FUBP1: variants seen among roughly 807,000 people sequenced by gnomAD.
FUBP1 encodes the protein far upstream element binding protein 1, also known as far upstream element-binding protein 1.
Under a neutral mutation model 94.9 loss-of-function variants are expected in FUBP1, and 16 were observed. The ratio of observed to expected loss-of-function variants is 0.17; its 90% CI spans 0.11 to 0.26. FUBP1 has a LOEUF of 0.26. Ranked by LOEUF, FUBP1 falls within the 10% of genes least tolerant of loss-of-function variation. FUBP1 has a pLI of 1.00. For missense variants in FUBP1, 583 were observed against 808.6 expected (o/e 0.72, Z 3.38); for synonymous variants, 279 against 254.9 (o/e 1.09, Z -0.90).
At chr1:77,950,848 C>G (rs1267101507) in intron 18 of FUBP1, among the ~76,000 whole-genome samples, 1 of 152,054 alleles carries the variant, frequency 6.6e-6, no homozygotes, top group Non-Finnish European at 1.5e-5. Flanking sequence ...AAACAGGTCA[C>G]AGACTCAAAG....
chr1:77,978,651 C>CA (rs1287663480), intron 1 of FUBP1, among the ~76,000 whole-genome samples: 2 of 152,236 alleles, frequency 1.3e-5, no homozygotes, highest in Non-Finnish European at 2.9e-5. Flanking sequence ...AGAAAGACTT[C>CA]AGGCCTTCTT....
intron 10 of FUBP1, 81 bp from the exon 11 acceptor site, chr1:77,964,437 T>C (rs1329899230): frequency 1.4e-5 from 12 of 866,348 alleles, no homozygotes; most frequent in Non-Finnish European, 2.1e-5. Context: ...AAAAGCGCCA[T>C]TTCCTGAAAA....
At chr1:77,978,291 T>G (rs570749707) in intron 1 of FUBP1, among the ~76,000 whole-genome samples, 22 of 152,312 alleles carry the variant, frequency 1.4e-4, no homozygotes, top group African/African-American at 5.1e-4. Context: ...TCTGGTATAA[T>G]GGGCCTGAGG....
intron 18 of FUBP1, 59 bp from the exon 19 acceptor site, chr1:77,949,359 CT>C: frequency 1.5e-6 from 2 of 1,363,758 alleles, no homozygotes; most frequent in East Asian, 2.3e-5. Flanking sequence ...CATCTCATTT[CT>C]AATAAAAACA....
chr1:77,948,029 T>C lies in FUBP1; in HGVS notation c.*737A>G. The stretch of plus-strand genomic sequence containing the variant: ...AAACAGTCTTGGAAATCAAGTATTA[T>C]CAAATTAAGAACAGAAAGGTTAACT... On this transcript the variant is annotated 3_prime_UTR_variant, in exon 20 of 20. Transcript: ENST00000370768. 9.7e-7 allele frequency: 1 copy of C among 1,032,562 alleles called. No individual in the cohort carries two copies. The highest frequency in any genetic ancestry group is 4.3e-5 in the South Asian group (1 of 23,170). 64.0% of individuals were successfully genotyped at this position (1,032,562 alleles called of 1,614,324 possible).
At chr1:77,956,074 A>G (rs950487178) in intron 17 of FUBP1, among the ~76,000 whole-genome samples, 12 of 152,352 alleles carry the variant, frequency 7.9e-5, no homozygotes, top group South Asian at 6.2e-4. Flanking sequence ...AAAATACTTT[A>G]AAAATATAAC....
intron 3 of FUBP1, among the ~76,000 whole-genome samples, 192 bp from the exon 4 acceptor site, chr1:77,967,858 A>T (rs1212721825): frequency 6.6e-6 from 1 of 152,168 alleles, no homozygotes; most frequent in African/African-American, 2.4e-5. Flanking sequence ...GAAAGGGAAG[A>T]CATTATATTA....
chr1:77,960,139 G>T, intron 16 of FUBP1, 45 bp downstream of exon 16: 1 of 1,317,862 alleles, frequency 7.6e-7, no homozygotes, highest in Non-Finnish European at 1.1e-6. Context: ...TGTAACAGGA[G>T]TGGAAAATAA....
At chr1:77,977,399 G>T (rs1458853092) in intron 1 of FUBP1, among the ~76,000 whole-genome samples, 1 of 152,140 alleles carries the variant, frequency 6.6e-6, no homozygotes. Flanking sequence ...GGTGGCGGGC[G>T]CCTGTAATCC....
chr1:77,962,183 A>C (rs1655613085), intron 14 of FUBP1, among the ~76,000 whole-genome samples: 1 of 152,254 alleles, frequency 6.6e-6, no homozygotes, highest in African/African-American at 2.4e-5. Flanking sequence ...AAAAATTTCC[A>C]AATTTGTCTG....
intron 18 of FUBP1, among the ~76,000 whole-genome samples, chr1:77,950,180 A>T: frequency 6.6e-6 from 1 of 152,244 alleles, no homozygotes; most frequent in Non-Finnish European, 1.5e-5. Context: ...ATTTATTTTC[A>T]GACAGGGTCT....
chr1:77,955,883 T>G (rs941910869), intron 17 of FUBP1, among the ~76,000 whole-genome samples: 2 of 152,052 alleles, frequency 1.3e-5, no homozygotes, highest in African/African-American at 4.8e-5. Flanking sequence ...GAATAAGAGC[T>G]CCTTGAAGAA....
In FUBP1 at chr1:77,944,376, G is replaced by T; in HGVS notation, c.*4390C>A. 1 of 201,782 alleles carries T rather than the reference G, an allele frequency of 5.0e-6. No homozygotes were observed. The highest frequency in any genetic ancestry group is 7.6e-5 in the East Asian group (1 of 13,180). The allele number at this position is 201,782 out of a possible 1,614,324, so 12.5% of individuals were successfully genotyped here. A position where few individuals can be genotyped will look rare whatever the true frequency, so the allele number is the denominator to read the frequency against. ...TAAGAGTTTCTATAGGGGTATCACT[G>T]AAGAAAATAAAACCCTGGGATTTAT... On this transcript the variant is annotated 3_prime_UTR_variant, in exon 20 of 20. Transcript: ENST00000370768.
Position 77,960,461 on chromosome 1 carries a change from T to C in FUBP1, c.1379A>G (p.His460Arg). The C allele has an allele frequency of 6.3e-7, 1 of 1,595,724 alleles. No individual in the cohort carries two copies. The highest frequency in any genetic ancestry group is 8.5e-7 in the Non-Finnish European group (1 of 1,175,522). Residue 460 changes from histidine to arginine, a missense_variant, in exon 15 of 20, where the codon CAT becomes CGT. Transcript: ENST00000370768. ...GGGGCCTGGGACACCATGGGGCCCA[T>C]GGGGTACAGGTGGCCCTAAAGGATT... Reference protein sequence around the residue: ...PVNPLGPPVPHGPHGVPGPHG... With the variant: ...PVNPLGPPVPRGPHGVPGPHG...
intron 1 of FUBP1, among the ~76,000 whole-genome samples, chr1:77,977,513 G>A (rs1658884632): frequency 6.6e-6 from 1 of 152,138 alleles, no homozygotes; most frequent in African/African-American, 2.4e-5. Flanking sequence ...GCGACAGAGG[G>A]AGACTCCGTC....
At chr1:77,955,998 T>C (rs1042799060) in intron 17 of FUBP1, among the ~76,000 whole-genome samples, 4 of 152,176 alleles carry the variant, frequency 2.6e-5, no homozygotes, top group African/African-American at 9.7e-5. Context: ...CAAAAGGATA[T>C]AGGCACCACC....
chr1:77,975,625 C>A (rs1412357339), intron 1 of FUBP1, among the ~76,000 whole-genome samples: 1 of 152,052 alleles, frequency 6.6e-6, no homozygotes, highest in Non-Finnish European at 1.5e-5. Context: ...CTTCATATAA[C>A]CTCGAGGAAA....
intron 19 of FUBP1, 60 bp downstream of exon 19, chr1:77,949,095 C>G: frequency 6.8e-7 from 1 of 1,464,694 alleles, no homozygotes; most frequent in South Asian, 1.1e-5. Flanking sequence ...AACAGACAAA[C>G]AGTAAACATG....
chr1:77,974,767 C>T (rs1420276553), intron 1 of FUBP1, among the ~76,000 whole-genome samples: 2 of 152,150 alleles, frequency 1.3e-5, no homozygotes, highest in Admixed American at 6.6e-5. Context: ...TTCAGATATT[C>T]ACTGAGGTTC....
Sources: gnomAD v4.1 joint callset for allele counts (sites outside exome capture counted in the v4.1 genomes callset) on GRCh38, gnomAD v4.1.1 for gene constraint, MANE v1.5 for transcripts, NCBI Gene and HGNC (gene_info 2026-07-23, HGNC 2026-07-21) for gene names.